Variants in MITF observed in about 807,000 individuals in gnomAD.
MITF encodes melanocyte inducing transcription factor.
In MITF, 17 loss-of-function variants were observed where a neutral mutation model predicts 60.5. That is an observed-to-expected ratio of 0.28 (90% confidence interval 0.19 to 0.42). The LOEUF (loss-of-function observed/expected upper bound fraction) is 0.42. Ranked by LOEUF, MITF falls within the 10% of genes least tolerant of loss-of-function variation. MITF has a pLI of 1.00. For missense variants in MITF, 622 were observed against 683.5 expected, an observed-to-expected ratio of 0.91 and a Z score of 1.00; for synonymous variants, 260 against 248.5, an observed-to-expected ratio of 1.05 and a Z score of -0.43.
At chr3:69,871,995 A>G (rs1259262722) in intron 1 of MITF, among the ~76,000 whole-genome samples, 1 of 152,212 alleles carries the variant, frequency 6.6e-6, no homozygotes, top group East Asian at 1.9e-4. Context: ...ATGGGATTCC[A>G]CAGTTGGACA....
At chr3:69,827,832 C>T (rs2063381244) in intron 1 of MITF, among the ~76,000 whole-genome samples, 1 of 152,006 alleles carries the variant, frequency 6.6e-6, no homozygotes, top group Non-Finnish European at 1.5e-5. Context: ...GGCCCAGGCA[C>T]CCTGATGACT....
chr3:69,942,495 A>G (rs970020769), intron 5 of MITF, among the ~76,000 whole-genome samples: 4 of 151,916 alleles, frequency 2.6e-5, no homozygotes, highest in African/African-American at 9.7e-5. Context: ...TCTTGATCCA[A>G]TTCTTCAAGT....
In MITF at chr3:69,824,126, C is replaced by T. The variant is rs183402427; in HGVS notation, c.105-55008C>T. Among the ~76,000 whole-genome samples, 323 of 152,180 alleles carry T rather than the reference C, an allele frequency of 2.1e-3. 1 individual carries two copies. The highest frequency in any genetic ancestry group is 3.9e-3 in the Admixed American group (60 of 15,286). On this transcript the variant is annotated intron_variant, in intron 1 of 9. Transcript: ENST00000352241. ...TGTCAATGGCTGTTTCAGATTAAGA[C>T]CAACTAAAAAGTGATTTGGTGTGAA...
Position 69,739,852 on chromosome 3 carries a change from G to A in MITF, c.104+151G>A, listed in dbSNP as rs533787889. 59 of 642,062 alleles carry A rather than the reference G, an allele frequency of 9.2e-5. No individual in the cohort carries two copies. The East Asian group carries it at 1.7e-3, about 18-fold the overall frequency. 39.8% of individuals were successfully genotyped at this position (642,062 alleles called of 1,614,324 possible). ...AGAGGGCGAACTGCCCCTCGCAGTTGGGGGCCGCGCCTGCCCGGCCCAAGT... is the reference window on the plus strand; with the variant it reads ...AGAGGGCGAACTGCCCCTCGCAGTTAGGGGCCGCGCCTGCCCGGCCCAAGT... On this transcript the variant is annotated intron_variant, in intron 1 of 9. Coordinates refer to ENST00000352241, the MANE Select transcript of MITF (RefSeq NM_001354604.2).
chr3:69,881,008 C>A (rs988235997), intron 2 of MITF, among the ~76,000 whole-genome samples: 1 of 152,044 alleles, frequency 6.6e-6, no homozygotes, highest in African/African-American at 2.4e-5. Flanking sequence ...GTTGAAACAT[C>A]ATTTCCAGAT....
In MITF at chr3:69,848,804, C is replaced by A. The variant is rs551921202; in HGVS notation, c.105-30330C>A. Among the ~76,000 whole-genome samples the A allele has an allele frequency of 2.0e-5, 3 of 152,170 alleles. No individual in the cohort carries two copies. In the South Asian group the frequency reaches 6.2e-4, roughly 32 times the overall value. Reference sequence around the variant, plus strand: ...TCAAAAACAAACCCACCACAGACATCCCAAAGACTTCTATAATTTTCCCCC... The same window carrying A: ...TCAAAAACAAACCCACCACAGACATACCAAAGACTTCTATAATTTTCCCCC... On this transcript the variant is annotated intron_variant, in intron 1 of 9. Coordinates refer to ENST00000352241, the MANE Select transcript of MITF (RefSeq NM_001354604.2).
chr3:69,749,330 G>T (rs1703842602), intron 1 of MITF, among the ~76,000 whole-genome samples: 1 of 152,128 alleles, frequency 6.6e-6, no homozygotes, highest in African/African-American at 2.4e-5. Context: ...TCATTGTTTT[G>T]TTTTGTTTTT....
intron 1 of MITF, among the ~76,000 whole-genome samples, chr3:69,829,673 CACACACA>C (rs2063413621): frequency 4.9e-5 from 1 of 20,484 alleles, no homozygotes; most frequent in East Asian, 4.7e-4. Context: ...GGTGTGGATG[CACACACA>C]CACACACACA....
chr3:69,856,981 C>T (rs1006279704), intron 1 of MITF, among the ~76,000 whole-genome samples: 1 of 151,582 alleles, frequency 6.6e-6, no homozygotes, highest in Non-Finnish European at 1.5e-5. Context: ...GTCAGATCAT[C>T]GTTAGAGGTG....
At chr3:69,754,781 A>G (rs1323462807) in intron 1 of MITF, among the ~76,000 whole-genome samples, 1 of 152,126 alleles carries the variant, frequency 6.6e-6, no homozygotes, top group African/African-American at 2.4e-5. Flanking sequence ...ACATGGGTAG[A>G]GTGCTCAGCC....
intron 1 of MITF, among the ~76,000 whole-genome samples, chr3:69,863,901 G>A (rs1369050817): frequency 6.6e-6 from 1 of 151,928 alleles, no homozygotes; most frequent in Non-Finnish European, 1.5e-5. Context: ...TTCTGATATG[G>A]TTATTCCCTA....
intron 2 of MITF, among the ~76,000 whole-genome samples, chr3:69,891,268 G>A (rs977288427): frequency 1.3e-5 from 2 of 152,104 alleles, no homozygotes; most frequent in South Asian, 4.1e-4. Flanking sequence ...TGACACCTGG[G>A]ACTCCCAATG....
chr3:69,739,827 A>G (rs1703458951), intron 1 of MITF, 126 bp downstream of exon 1: 2 of 712,928 alleles, frequency 2.8e-6, no homozygotes, highest in African/African-American at 1.8e-5. Context: ...GCCCCGGAGC[A>G]GAGGGCGAAC....
At position 69,834,026 on chromosome 3, in the gene MITF, T is replaced by C. The variant is rs150838183; in HGVS notation, c.105-45108T>C. 1.1e-3 allele frequency among the ~76,000 whole-genome samples: 163 copies of C among 152,330 alleles called. 1 individual carries two copies. The East Asian group carries it at 0.024, about 23-fold the overall frequency. ...ATATTACCTTCATTTTACTAATTTA[T>C]TTTTAAAATGGACACATTATAATTG... On this transcript the variant is annotated intron_variant, in intron 1 of 9. Coordinates refer to ENST00000352241, the MANE Select transcript of MITF (RefSeq NM_001354604.2).
intron 1 of MITF, among the ~76,000 whole-genome samples, chr3:69,871,872 A>T (rs1463101551): frequency 6.6e-6 from 1 of 152,186 alleles, no homozygotes; most frequent in East Asian, 1.9e-4. Context: ...TTAGATTTTT[A>T]AAAATTGCTT....
rs1228781775 is a variant in MITF at position 69,937,847 on chromosome 3, C to G, written c.380C>G (p.Thr127Ser). ...LKVQTHLENP[T>S]KYHIQQAQRQ... is the part of the protein sequence containing the mutation. ...GTGCAGACCCACCTCGAAAACCCCA[C>G]CAAGTACCACATACAGCAAGCCCAA... The change falls in exon 3 of 10, where the codon ACC (threonine) becomes AGC (serine). Residue 127 changes from threonine (T) to serine (S), a missense_variant. Physicochemically the swap from Thr to Ser is moderately conservative, Grantham distance 58 (BLOSUM62 1). Around this residue, in one of 5 missense-constraint regions of MITF, gnomAD observed 3 missense variants for 16.6 expected, o/e 0.18. Transcript: ENST00000352241. 1 of 1,613,950 alleles carries G rather than the reference C, an allele frequency of 6.2e-7. No individual in the cohort carries two copies. Among genetic ancestry groups the G allele is most frequent in the Admixed American group, 1.7e-5 (1 of 60,002 alleles).
intron 1 of MITF, among the ~76,000 whole-genome samples, chr3:69,754,453 G>C (rs1704052110): frequency 6.6e-6 from 1 of 152,080 alleles, no homozygotes; most frequent in Non-Finnish European, 1.5e-5. Flanking sequence ...GAGCCACTGT[G>C]CCTGGCCCCC....
At chr3:69,762,006 T>G (rs1258252530) in intron 1 of MITF, among the ~76,000 whole-genome samples, 1 of 152,194 alleles carries the variant, frequency 6.6e-6, no homozygotes, top group Non-Finnish European at 1.5e-5. Context: ...TGATTGCTAT[T>G]TTTGTGTGTC....
chr3:69,821,677 GAAAAAAAAAAACTAAA>G (rs1290191036), intron 1 of MITF, among the ~76,000 whole-genome samples: 1 of 112,734 alleles, frequency 8.9e-6, no homozygotes, highest in Admixed American at 9.7e-5. Context: ...TTTAGAAAAG[GAAAAAAAAAAACTAAA>G]AAAAAAAAAA....
Sources: allele counts gnomAD v4.1 joint callset (sites outside exome capture counted in the v4.1 genomes callset), GRCh38; gene constraint gnomAD v4.1.1; regional missense constraint gnomAD v4.1.1; transcripts MANE v1.5; gene names NCBI Gene and HGNC (gene_info 2026-07-23, HGNC 2026-07-21).